The following GNAI2 variants were observed in gnomAD, a reference collection of about 807,000 sequenced individuals.
The protein encoded by GNAI2 is G protein subunit alpha i2.
Under a neutral mutation model 36.8 loss-of-function variants are expected in GNAI2, and 4 were observed. That is an observed-to-expected ratio of 0.11 (90% CI 0.05 to 0.25). The LOEUF (loss-of-function observed/expected upper bound fraction) is 0.25, where lower values mean the gene tolerates loss of function less well. Among genes scored for constraint, GNAI2 ranks in the 10% least tolerant of loss-of-function variants. GNAI2 has a pLI of 1.00. For missense variants in GNAI2, 230 were observed against 481.3 expected, an observed-to-expected ratio of 0.48 and a Z score of 4.89; for synonymous variants, 194 against 194.1, an observed-to-expected ratio of 1.00 and a Z score of 0.01.
intron 1 of GNAI2, among the ~76,000 whole-genome samples, chr3:50,248,430 G>A (rs1700471633): frequency 6.6e-6 from 1 of 152,140 alleles, no homozygotes; most frequent in African/African-American, 2.4e-5. Flanking sequence ...CCCCACAGCT[G>A]CCAGGGCACT....
At chr3:50,234,501 A>G (rs147427338), upstream of GNAI2, among the ~76,000 whole-genome samples, 1,366 of 151,924 alleles carry the variant, frequency 9.0e-3, 14 homozygotes, top group Non-Finnish European at 0.011. Context: ...ACATGTGCCC[A>G]CCACCACACC....
In GNAI2 at chr3:50,255,387, C is replaced by T. The variant is rs1013880455; in HGVS notation, c.465-805C>T. Among the ~76,000 whole-genome samples, 4 of 152,232 alleles carry T rather than the reference C, an allele frequency of 2.6e-5. No homozygotes were observed. The highest frequency in any genetic ancestry group is 9.6e-5 in the African/African-American group (4 of 41,460). ...GTGTCTGTGCCCTCCCCCTGAGGAACCCAGATTTCATTGGGCGCTGGGCAA... is the reference window on the plus strand; with the variant it reads ...GTGTCTGTGCCCTCCCCCTGAGGAATCCAGATTTCATTGGGCGCTGGGCAA... On this transcript the variant is annotated intron_variant, in intron 4 of 8. Coordinates refer to ENST00000313601, the MANE Select transcript of GNAI2 (RefSeq NM_002070.4). This position sits in a 1 kb window ranked among gnomAD's most constrained non-coding sequence, Gnocchi z 4.0.
chr3:50,228,169 C>T (rs1399227374), upstream of GNAI2, among the ~76,000 whole-genome samples: 1 of 152,238 alleles, frequency 6.6e-6, no homozygotes, highest in Admixed American at 6.5e-5. Context: ...CCATTTCCCT[C>T]GAATGGTGCC....
Position 50,252,674 on chromosome 3 carries a change from G to T in GNAI2, c.303+136G>T, listed in dbSNP as rs1218077415. ...ATCACCTGAGGTCAGGACCAGCCTG[G>T]CCAACTTGGTGAAACCGCGTCTCTA... is the stretch of plus-strand genomic sequence containing the variant. On this transcript the variant is annotated intron_variant, in intron 3 of 8. Coordinates refer to ENST00000313601, the MANE Select transcript of GNAI2 (RefSeq NM_002070.4). This position sits in a 1 kb window ranked among gnomAD's most constrained non-coding sequence, Gnocchi z 4.1. 1.4e-6 allele frequency: 1 copy of T among 717,986 alleles called. No individual in the cohort carries two copies. Among genetic ancestry groups the T allele is most frequent in the Admixed American group, 2.7e-5 (1 of 37,120 alleles). The allele number at this position is 717,986 out of a possible 1,614,324, so 44.5% of individuals were successfully genotyped here.
upstream of GNAI2, among the ~76,000 whole-genome samples, chr3:50,227,915 AG>A (rs1342213504): frequency 6.6e-6 from 1 of 152,152 alleles, no homozygotes; most frequent in Non-Finnish European, 1.5e-5. This position sits in a 1 kb window ranked among gnomAD's most constrained non-coding sequence, Gnocchi z 5.9. Flanking sequence ...AGGGCAAGGA[AG>A]GCTTCCTAGA....
At position 50,238,124 on chromosome 3, in the gene GNAI2, A is replaced by AGCGGCAGTGAGTGGGTGTCGAC. The variant is rs1700223622; in HGVS notation, c.118+1677_118+1698dup. 1 of 152,212 alleles carries AGCGGCAGTGAGTGGGTGTCGAC rather than the reference A, an allele frequency of 6.6e-6. No homozygotes were observed. The highest frequency in any genetic ancestry group is 1.5e-5 in the Non-Finnish European group (1 of 68,040). The allele number at this position is 152,212 out of a possible 1,614,324, so 9.4% of individuals were successfully genotyped here. ...TTCCTGTCTCTGCTGTGAGTGCGGC[A>AGCGGCAGTGAGTGGGTGTCGAC]GCGGCAGTGAGTGGGTGTCGACGCG... On this transcript the variant is annotated intron_variant, in intron 1 of 8. Transcript: ENST00000313601. This position sits in a 1 kb window ranked among gnomAD's most constrained non-coding sequence, Gnocchi z 5.0.
At position 50,258,982 on chromosome 3, in the gene GNAI2, C is replaced by G; in HGVS notation, c.*639C>G. On this transcript the variant is annotated 3_prime_UTR_variant, in exon 9 of 9. Transcript: ENST00000313601. ...AGATCCTGACCAGCAAGCCCCCCCC[C>G]AGCCCCCCTTCCAAGTGACTCCGTG... is the stretch of plus-strand genomic sequence containing the variant. The G allele has an allele frequency of 2.2e-6, 1 of 447,204 alleles. No homozygotes were observed. Among genetic ancestry groups the G allele is most frequent in the South Asian group, 1.6e-5 (1 of 62,678 alleles). The allele number at this position is 447,204 out of a possible 1,614,324, so 27.7% of individuals were successfully genotyped here.
upstream of GNAI2, among the ~76,000 whole-genome samples, chr3:50,235,492 G>T (rs892471764): frequency 2.0e-5 from 3 of 152,156 alleles, no homozygotes; most frequent in East Asian, 5.8e-4. Flanking sequence ...GGTAATTTTT[G>T]TATTTTTAGT....
chr3:50,246,253 G>T (rs1173615944), intron 1 of GNAI2, among the ~76,000 whole-genome samples: 2 of 152,194 alleles, frequency 1.3e-5, no homozygotes, highest in African/African-American at 4.8e-5. Context: ...GGGCTGGTGG[G>T]TGGGACACCT....
intron 1 of GNAI2, among the ~76,000 whole-genome samples, chr3:50,247,528 A>G (rs1700452058): frequency 1.3e-5 from 2 of 152,192 alleles, no homozygotes; most frequent in Non-Finnish European, 2.9e-5. Context: ...AAGTGACAAG[A>G]CCTGTGGGCC....
At position 50,248,558 on chromosome 3, in the gene GNAI2, G is replaced by GCCCCTGCCTCTGTCCCGTTGTT. The variant is rs587620546; in HGVS notation, c.119-3537_119-3516dup. Among the ~76,000 whole-genome samples, 783 of 152,126 alleles carry GCCCCTGCCTCTGTCCCGTTGTT rather than the reference G, an allele frequency of 5.1e-3. 7 individuals carry two copies. The highest frequency in any genetic ancestry group is 0.018 in the African/African-American group (734 of 41,482). On this transcript the variant is annotated intron_variant, in intron 1 of 8. Coordinates refer to ENST00000313601, the MANE Select transcript of GNAI2 (RefSeq NM_002070.4). ...TCTGCTGGAGCTGCTCCTGGGCTGT[G>GCCCCTGCCTCTGTCCCGTTGTT]CCCCTGCCTCTGTCCCGTTGTTCCC...
chr3:50,228,762 G>A (rs1700020062), upstream of GNAI2, among the ~76,000 whole-genome samples: 1 of 152,172 alleles, frequency 6.6e-6, no homozygotes, highest in African/African-American at 2.4e-5. Context: ...CTTTGCACTG[G>A]CTGATAGCTT....
At position 50,241,747 on chromosome 3, in the gene GNAI2, A is replaced by ACAC. The variant is rs1461584320; in HGVS notation, c.118+5299_118+5301dup. Reference sequence around the variant, plus strand: ...ATGTCAGAAGCCCTGAGGCAGCATCACACCACCCACTATGTGTCAGAGCCT... The same window carrying ACAC: ...ATGTCAGAAGCCCTGAGGCAGCATCACACCACCACCCACTATGTGTCAGAGCCT... On this transcript the variant is annotated intron_variant, in intron 1 of 8. Coordinates refer to ENST00000313601, the MANE Select transcript of GNAI2 (RefSeq NM_002070.4). The surrounding 1 kb of genome is among the most constrained non-coding windows in gnomAD (Gnocchi z 5.0). Among the ~76,000 whole-genome samples the ACAC allele has an allele frequency of 6.6e-6, 1 of 152,142 alleles. No individual in the cohort carries two copies. Among genetic ancestry groups the ACAC allele is most frequent in the African/African-American group, 2.4e-5 (1 of 41,430 alleles).
chr3:50,229,361 G>GC (rs1030476752), upstream of GNAI2: 5 of 152,260 alleles, frequency 3.3e-5, no homozygotes, highest in African/African-American at 1.2e-4. Flanking sequence ...TGGCCCCAAA[G>GC]CCCTGAGAGC....
chr3:50,243,239 G>T (rs1415911212), intron 1 of GNAI2, among the ~76,000 whole-genome samples: 1 of 152,244 alleles, frequency 6.6e-6, no homozygotes, highest in Admixed American at 6.5e-5. Flanking sequence ...CAACCATCGG[G>T]CCCAAGATCC....
upstream of GNAI2, chr3:50,230,556 ATGTCAC>A (rs1700052051): frequency 6.6e-6 from 1 of 152,352 alleles, no homozygotes; most frequent in Non-Finnish European, 1.5e-5. Context: ...GCAGGCAAGC[ATGTCAC>A]AGCCCACTGA....
chr3:50,257,491 C>T lies in GNAI2; in HGVS notation c.878-9C>T. ...CATGCAGCACAAGTCTTCATTTTCT[C>T]TCCCCCAGGGGCCAACAAATATGAT... On this transcript the variant is annotated splice_polypyrimidine_tract_variant and intron_variant, in intron 7 of 8. Transcript: ENST00000313601. 4.5e-6 allele frequency: 7 copies of T among 1,539,338 alleles called. No individual in the cohort carries two copies. The highest frequency in any genetic ancestry group is 1.2e-5 in the South Asian group (1 of 80,938).
Position 50,252,606 on chromosome 3 carries a change from C to G in GNAI2, c.303+68C>G. On this transcript the variant is annotated intron_variant, in intron 3 of 8. Transcript: ENST00000313601. The surrounding 1 kb of genome is among the most constrained non-coding windows in gnomAD (Gnocchi z 4.1). ...TTCGGGGTGGCTGGTTGTGGTGGCT[C>G]ATGCCTATAAATCCCAGCACTTTGG... 1 of 1,344,722 alleles carries G rather than the reference C, an allele frequency of 7.4e-7. No individual in the cohort carries two copies. Among genetic ancestry groups the G allele is most frequent in the Non-Finnish European group, 1.0e-6 (1 of 959,130 alleles). The allele number at this position is 1,344,722 out of a possible 1,614,324, so 83.3% of individuals were successfully genotyped here. A position where few individuals can be genotyped will look rare whatever the true frequency, so the allele number is the denominator to read the frequency against.
chr3:50,252,882 A>G lies in GNAI2; in HGVS notation c.304-142A>G, dbSNP rs1348269346. On this transcript the variant is annotated intron_variant, in intron 3 of 8. Coordinates refer to ENST00000313601, the MANE Select transcript of GNAI2 (RefSeq NM_002070.4). This position sits in a 1 kb window ranked among gnomAD's most constrained non-coding sequence, Gnocchi z 4.1. Reference sequence around the variant, plus strand: ...CCGTCACAGAAAAAAGTAAACAACAACAACAAAAAGGTTTTAGGGCAAGTC... The same window carrying G: ...CCGTCACAGAAAAAAGTAAACAACAGCAACAAAAAGGTTTTAGGGCAAGTC... 1.4e-6 allele frequency: 1 copy of G among 690,666 alleles called. No homozygotes were observed. The highest frequency in any genetic ancestry group is 2.6e-5 in the East Asian group (1 of 39,016). 42.8% of individuals were successfully genotyped at this position (690,666 alleles called of 1,614,324 possible). A position where few individuals can be genotyped will look rare whatever the true frequency, so the allele number is the denominator to read the frequency against.
Sources: gnomAD v4.1 joint callset for allele counts (sites outside exome capture counted in the v4.1 genomes callset) on GRCh38, gnomAD v4.1.1 for gene constraint, Gnocchi (gnomAD v3.1) non-coding constraint, MANE v1.5 for transcripts, NCBI Gene and HGNC (gene_info 2026-07-23, HGNC 2026-07-21) for gene names.